Variants in SORCS2 observed in about 807,000 individuals in gnomAD.
The protein encoded by SORCS2 is VPS10 domain-containing receptor SorCS2.
Under a neutral mutation model 141.6 loss-of-function variants are expected in SORCS2, and 100 were observed. The observed-to-expected ratio is 0.71, with a 90% CI of 0.60 to 0.83. SORCS2 has a LOEUF of 0.83. Among genes scored for constraint, SORCS2 ranks in the 40% least tolerant of loss-of-function variants. SORCS2 has a pLI of 0.00. For synonymous variants in SORCS2, 789 were observed against 676.9 expected, an observed-to-expected ratio of 1.17 and a Z score of -2.57; for missense variants, 1,646 against 1,560.2, an observed-to-expected ratio of 1.05 and a Z score of -0.93.
chr4:7,325,941 G>A (rs1387980909), intron 1 of SORCS2, among the ~76,000 whole-genome samples: 1 of 152,178 alleles, frequency 6.6e-6, no homozygotes, highest in Non-Finnish European at 1.5e-5. Flanking sequence ...GGAGCCAAGA[G>A]AGTGGGAACC....
At chr4:7,528,343 G>A (rs1422097044) in intron 2 of SORCS2, among the ~76,000 whole-genome samples, 1 of 152,100 alleles carries the variant, frequency 6.6e-6, no homozygotes, top group African/African-American at 2.4e-5. Context: ...GGATATCTGA[G>A]GAATTGGGTT....
At chr4:7,679,878 C>G (rs987243019) in intron 9 of SORCS2, among the ~76,000 whole-genome samples, 1 of 152,080 alleles carries the variant, frequency 6.6e-6, no homozygotes, top group Non-Finnish European at 1.5e-5. Flanking sequence ...GGGCCTTGGC[C>G]TATATCTGGA....
chr4:7,347,786 C>A (rs1015457491), intron 1 of SORCS2, among the ~76,000 whole-genome samples: 1 of 152,194 alleles, frequency 6.6e-6, no homozygotes, highest in African/African-American at 2.4e-5. Context: ...GGCAAATTAA[C>A]CTTGATAACA....
chr4:7,291,031 C>T (rs991520270), intron 1 of SORCS2, among the ~76,000 whole-genome samples: 1 of 152,124 alleles, frequency 6.6e-6, no homozygotes, highest in Non-Finnish European at 1.5e-5. Flanking sequence ...CAAGGTCTCT[C>T]TGAGGTGGGG....
intron 3 of SORCS2, among the ~76,000 whole-genome samples, chr4:7,610,131 T>C (rs1185293792): frequency 6.6e-6 from 1 of 152,006 alleles, no homozygotes; most frequent in African/African-American, 2.4e-5. Flanking sequence ...TGCCAGGGAA[T>C]TGGGGGGAAA....
intron 3 of SORCS2, among the ~76,000 whole-genome samples, chr4:7,614,214 A>G (rs1249444094): frequency 7.1e-6 from 1 of 141,836 alleles, no homozygotes; most frequent in Non-Finnish European, 1.5e-5. Flanking sequence ...TCATCCACCT[A>G]TTCACCATCC....
chr4:7,309,262 G>A (rs941470492), intron 1 of SORCS2, among the ~76,000 whole-genome samples: 3 of 152,208 alleles, frequency 2.0e-5, no homozygotes, highest in Admixed American at 2.0e-4. Context: ...CCAGTGAATC[G>A]GAGATGCCAC....
At chr4:7,235,686 G>A (rs1712218689) in intron 1 of SORCS2, among the ~76,000 whole-genome samples, 1 of 152,186 alleles carries the variant, frequency 6.6e-6, no homozygotes, top group African/African-American at 2.4e-5. Flanking sequence ...CCGTTGAGAG[G>A]CCAGGCCTTG....
At chr4:7,284,174 C>G (rs949204962) in intron 1 of SORCS2, among the ~76,000 whole-genome samples, 1 of 152,148 alleles carries the variant, frequency 6.6e-6, no homozygotes, top group Non-Finnish European at 1.5e-5. Context: ...AGCTCCTTCC[C>G]TGGCCATTTT....
At chr4:7,297,908 C>T (rs192941137) in intron 1 of SORCS2, among the ~76,000 whole-genome samples, 1 of 152,362 alleles carries the variant, frequency 6.6e-6, no homozygotes, top group Non-Finnish European at 1.5e-5. Flanking sequence ...CTGCAAGGGC[C>T]AGAGAATCTG....
intron 2 of SORCS2, among the ~76,000 whole-genome samples, chr4:7,481,335 G>C (rs1270369712): frequency 1.3e-5 from 2 of 152,254 alleles, no homozygotes; most frequent in Non-Finnish European, 2.9e-5. Flanking sequence ...AGGGAGCTAG[G>C]GCACAAGAAT....
chr4:7,722,569 C>T (rs1726663933), intron 18 of SORCS2, among the ~76,000 whole-genome samples: 1 of 152,212 alleles, frequency 6.6e-6, no homozygotes, highest in Admixed American at 6.5e-5. Flanking sequence ...TTTGCCTTCA[C>T]CTCCACGCAG....
chr4:7,448,333 A>G (rs140821644), intron 2 of SORCS2, among the ~76,000 whole-genome samples: 1,732 of 152,032 alleles, frequency 0.011, 42 homozygotes, highest in African/African-American at 0.04. Context: ...AGGCACAGAG[A>G]GAGATGCTGG....
chr4:7,472,156 G>C (rs1406523952), intron 2 of SORCS2, among the ~76,000 whole-genome samples: 1 of 152,206 alleles, frequency 6.6e-6, no homozygotes, highest in African/African-American at 2.4e-5. Context: ...GCACTGCCCT[G>C]GGCAGGCTGC....
At chr4:7,245,740 A>G (rs984183804) in intron 1 of SORCS2, among the ~76,000 whole-genome samples, 2 of 152,080 alleles carry the variant, frequency 1.3e-5, no homozygotes, top group African/African-American at 4.8e-5. Context: ...TGTAGAACTG[A>G]AATCAGTGAC....
At position 7,689,558 on chromosome 4, in the gene SORCS2, G is replaced by A; in HGVS notation, c.1561G>A (p.Asp521Asn). 1 of 1,604,606 alleles carries A rather than the reference G, an allele frequency of 6.2e-7. No individual in the cohort carries two copies. Among genetic ancestry groups the A allele is most frequent in the Non-Finnish European group, 8.5e-7 (1 of 1,176,142 alleles). The change falls in exon 11 of 27, where the codon GAC becomes AAC. Residue 521 changes from aspartate to asparagine, a missense_variant. Asp to Asn is a conservative substitution (Grantham distance 23). Coordinates refer to ENST00000507866, the MANE Select transcript of SORCS2 (RefSeq NM_020777.3). ...CGTATCAGGCACCGTGCACACCAAGGACACCGCCCCAGGCCTCATCATGGG... is the reference window on the plus strand; with the variant it reads ...CGTATCAGGCACCGTGCACACCAAGAACACCGCCCCAGGCCTCATCATGGG... ...PYVSGTVHTKDTAPGLIMGAG... is the reference protein window; with the variant it reads ...PYVSGTVHTKNTAPGLIMGAG...
chr4:7,463,936 C>T (rs1464749766), intron 2 of SORCS2, among the ~76,000 whole-genome samples: 2 of 152,220 alleles, frequency 1.3e-5, no homozygotes, highest in Non-Finnish European at 2.9e-5. Context: ...CCTGAGTCCC[C>T]ACACTGATGA....
chr4:7,741,548 G>A lies in SORCS2; in HGVS notation c.*1284G>A, dbSNP rs1331507713. On this transcript the variant is annotated 3_prime_UTR_variant, in exon 27 of 27. Transcript: ENST00000507866. ...TCTGGCAGGGATCTCAGATGACCGT[G>A]GCCTCCCTCTCAGAGGGGGAGAACG... 10 of 307,330 alleles carry A rather than the reference G, an allele frequency of 3.3e-5. No homozygotes were observed. Among genetic ancestry groups the A allele is most frequent in the Non-Finnish European group, 5.9e-5 (10 of 169,482 alleles). The allele number at this position is 307,330 out of a possible 1,614,324, so 19.0% of individuals were successfully genotyped here.
chr4:7,700,928 C>A (rs144809927), intron 12 of SORCS2, among the ~76,000 whole-genome samples: 2 of 152,242 alleles, frequency 1.3e-5, no homozygotes, highest in Non-Finnish European at 2.9e-5. Flanking sequence ...TGGCTTCAGG[C>A]AAGTCACTGT....
Sources: allele counts gnomAD v4.1 joint callset (sites outside exome capture counted in the v4.1 genomes callset), GRCh38; gene constraint gnomAD v4.1.1; transcripts MANE v1.5; gene names NCBI Gene and HGNC (gene_info 2026-07-23, HGNC 2026-07-21).